PRKG1: variants seen among roughly 807,000 people sequenced by gnomAD.
PRKG1 encodes cGMP-dependent protein kinase 1.
In PRKG1, 35 loss-of-function variants were observed where a neutral mutation model predicts 88.1. The observed-to-expected ratio is 0.40, with a 90% confidence interval of 0.30 to 0.53. The LOEUF (loss-of-function observed/expected upper bound fraction) is 0.53, where lower values mean the gene tolerates loss of function less well. Ranked by LOEUF, PRKG1 falls within the 20% of genes least tolerant of loss-of-function variation. The pLI, the probability that PRKG1 is intolerant of heterozygous loss-of-function variation, is 0.59. For synonymous variants in PRKG1, 303 were observed against 292.5 expected (o/e 1.04, Z -0.37); for missense variants, 540 against 839.8 (o/e 0.64, Z 4.41).
At chr10:51,598,595 C>A (rs1368979558) in intron 3 of PRKG1, among the ~76,000 whole-genome samples, 6 of 152,102 alleles carry the variant, frequency 3.9e-5, no homozygotes, top group African/African-American at 1.4e-4. Context: ...ATTAGTCACT[C>A]GATAGAAGTT....
intron 4 of PRKG1, among the ~76,000 whole-genome samples, chr10:51,848,807 T>C (rs1046240265): frequency 6.6e-6 from 1 of 151,980 alleles, no homozygotes; most frequent in Non-Finnish European, 1.5e-5. Flanking sequence ...TCTCAGCCTA[T>C]GTGTGCATTT....
At chr10:51,534,501 T>A (rs2132099913) in intron 3 of PRKG1, among the ~76,000 whole-genome samples, 1 of 151,434 alleles carries the variant, frequency 6.6e-6, no homozygotes, top group Non-Finnish European at 1.5e-5. Context: ...ACCTCGTCTC[T>A]CCTAAAAATA....
At chr10:51,943,358 G>A (rs988830398) in intron 5 of PRKG1, among the ~76,000 whole-genome samples, 4 of 151,910 alleles carry the variant, frequency 2.6e-5, no homozygotes, top group African/African-American at 9.7e-5. Flanking sequence ...TTTGGGCTGA[G>A]ATGATGGGGT....
At chr10:51,173,284 G>C (rs927543551) in intron 2 of PRKG1, among the ~76,000 whole-genome samples, 1 of 151,864 alleles carries the variant, frequency 6.6e-6, no homozygotes, top group Non-Finnish European at 1.5e-5. Flanking sequence ...CACACATTTA[G>C]TTTGTTAAGG....
intron 3 of PRKG1, among the ~76,000 whole-genome samples, chr10:51,782,047 A>C (rs1189928103): frequency 1.3e-5 from 2 of 152,122 alleles, no homozygotes; most frequent in Non-Finnish European, 2.9e-5. Flanking sequence ...ATTGTAAAAA[A>C]TGCAATAGCA....
chr10:52,013,449 G>A (rs187123965), intron 5 of PRKG1, among the ~76,000 whole-genome samples: 13 of 152,176 alleles, frequency 8.5e-5, no homozygotes, highest in African/African-American at 3.1e-4. Flanking sequence ...TGGTTGGGAG[G>A]TTGTTGGGAA....
At chr10:52,012,245 C>CTTTTT (rs34119029) in intron 5 of PRKG1, among the ~76,000 whole-genome samples, 3,977 of 139,008 alleles carry the variant, frequency 0.029, 159 homozygotes, top group African/African-American at 0.079. Flanking sequence ...ATTTATTTGC[C>CTTTTT]TTTTTTTTTT....
At chr10:51,163,604 C>T (rs546165278) in intron 2 of PRKG1, among the ~76,000 whole-genome samples, 15 of 152,284 alleles carry the variant, frequency 9.9e-5, no homozygotes, top group Non-Finnish European at 2.1e-4. Flanking sequence ...TTGCCTCACT[C>T]GGGAGGCGCA....
At chr10:52,254,883 G>A (rs537445623) in intron 10 of PRKG1, among the ~76,000 whole-genome samples, 18 of 152,142 alleles carry the variant, frequency 1.2e-4, no homozygotes, top group Non-Finnish European at 2.4e-4. Context: ...AGGAATTGTA[G>A]TCTTAAGCTA....
At chr10:51,221,194 G>C (rs1040911515) in intron 2 of PRKG1, among the ~76,000 whole-genome samples, 1 of 151,822 alleles carries the variant, frequency 6.6e-6, no homozygotes, top group Non-Finnish European at 1.5e-5. Context: ...GACATATTTA[G>C]AGTAACTCCC....
In PRKG1 at chr10:51,639,412, C is replaced by A. The variant is rs1017678447; in HGVS notation, c.593-165173C>A. Among the ~76,000 whole-genome samples, 16 of 123,100 alleles carry A rather than the reference C, an allele frequency of 1.3e-4. 1 individual carries two copies. Among genetic ancestry groups the A allele is most frequent in the African/African-American group, 5.1e-4 (16 of 31,202 alleles). 80.8% of individuals were successfully genotyped at this position (123,100 alleles called of 152,430 possible). A position where few individuals can be genotyped will look rare whatever the true frequency, so the allele number is the denominator to read the frequency against. On this transcript the variant is annotated intron_variant, in intron 3 of 17. Coordinates refer to ENST00000373980, the MANE Select transcript of PRKG1 (RefSeq NM_006258.4). The stretch of plus-strand genomic sequence containing the variant: ...TAGTGCCACTACACTCCAGCCTGGG[C>A]GGCGACAGAGCCAGACTCCATCTCA...
intron 2 of PRKG1, among the ~76,000 whole-genome samples, chr10:51,205,497 G>A (rs1026729732): frequency 6.6e-6 from 1 of 151,296 alleles, no homozygotes; most frequent in African/African-American, 2.4e-5. Flanking sequence ...CTGACATTTC[G>A]TATGACTTTT....
intron 2 of PRKG1, among the ~76,000 whole-genome samples, chr10:51,268,419 G>T (rs1839893256): frequency 6.6e-6 from 1 of 152,082 alleles, no homozygotes; most frequent in Non-Finnish European, 1.5e-5. Flanking sequence ...ATAAAAGACG[G>T]CTGCCCCTGA....
chr10:52,007,531 C>G (rs1310607410), intron 5 of PRKG1, among the ~76,000 whole-genome samples: 9 of 151,896 alleles, frequency 5.9e-5, no homozygotes, highest in African/African-American at 2.2e-4. Context: ...AGACAGTGAA[C>G]AGCATTATAT....
Position 51,949,157 on chromosome 10 carries a change from A to G in PRKG1, c.762+41587A>G, listed in dbSNP as rs141643301. 1.5e-3 allele frequency among the ~76,000 whole-genome samples: 226 copies of G among 152,350 alleles called. 2 individuals carry two copies. The highest frequency in any genetic ancestry group is 4.6e-3 in the African/African-American group (193 of 41,582). On this transcript the variant is annotated intron_variant, in intron 5 of 17. Coordinates refer to ENST00000373980, the MANE Select transcript of PRKG1 (RefSeq NM_006258.4). ...CCTACAATTTAATGAAGGTGTCCATATAAACACTTAAGAAATATTTAACAT... is the reference window on the plus strand; with the variant it reads ...CCTACAATTTAATGAAGGTGTCCATGTAAACACTTAAGAAATATTTAACAT...
intron 1 of PRKG1, among the ~76,000 whole-genome samples, chr10:51,022,652 A>C (rs1399921045): frequency 1.3e-5 from 2 of 152,176 alleles, no homozygotes; most frequent in Non-Finnish European, 2.9e-5. Flanking sequence ...TATAGGAAGA[A>C]CAAACACACC....
chr10:51,669,001 T>G (rs1165360163), intron 3 of PRKG1, among the ~76,000 whole-genome samples: 1 of 152,188 alleles, frequency 6.6e-6, no homozygotes, highest in Non-Finnish European at 1.5e-5. Flanking sequence ...CTAATGTATA[T>G]GTATATATAT....
intron 3 of PRKG1, among the ~76,000 whole-genome samples, chr10:51,546,834 C>T (rs1346665561): frequency 6.6e-6 from 1 of 152,214 alleles, no homozygotes; most frequent in African/African-American, 2.4e-5. Context: ...TTTGCTTCTT[C>T]TTCCCTCAAA....
At chr10:51,710,302 T>C (rs1841711935) in intron 3 of PRKG1, among the ~76,000 whole-genome samples, 1 of 152,216 alleles carries the variant, frequency 6.6e-6, no homozygotes, top group African/African-American at 2.4e-5. Context: ...GAGAGGTATA[T>C]AGAAAATGAA....
Sources: allele counts gnomAD v4.1 joint callset (sites outside exome capture counted in the v4.1 genomes callset), GRCh38; gene constraint gnomAD v4.1.1; transcripts MANE v1.5; gene names NCBI Gene and HGNC (gene_info 2026-07-23, HGNC 2026-07-21).